NPLOC4: variants seen among roughly 807,000 people sequenced by gnomAD.
NPLOC4 encodes NPL4 homolog, ubiquitin recognition factor, also known as nuclear protein localization protein 4 homolog.
A neutral mutation model predicts 80.6 loss-of-function variants in NPLOC4; 18 were observed. That is an observed-to-expected ratio of 0.22 (90% CI 0.15 to 0.33). The LOEUF (loss-of-function observed/expected upper bound fraction) is 0.33, where lower values mean the gene tolerates loss of function less well. Ranked by LOEUF, NPLOC4 falls within the 10% of genes least tolerant of loss-of-function variation. NPLOC4 has a pLI of 1.00. For synonymous variants in NPLOC4, 313 were observed against 301.5 expected, an observed-to-expected ratio of 1.04 and a Z score of -0.39; for missense variants, 540 against 786.1, an observed-to-expected ratio of 0.69 and a Z score of 3.74.
chr17:81,565,632 C>A, intron 15 of NPLOC4, 25 bp from the exon 16 acceptor site: 1 of 1,517,992 alleles, frequency 6.6e-7, no homozygotes, highest in Non-Finnish European at 8.8e-7. Flanking sequence ...AAGGAAGGTT[C>A]CTCTTCGCTG....
intron 3 of NPLOC4, among the ~76,000 whole-genome samples, chr17:81,617,338 T>C (rs1427748048): frequency 6.6e-6 from 1 of 152,112 alleles, no homozygotes; most frequent in East Asian, 1.9e-4. Flanking sequence ...AGTGGCACAA[T>C]CACAGTTCAC....
intron 3 of NPLOC4, among the ~76,000 whole-genome samples, chr17:81,618,692 G>A (rs1279227685): frequency 4.0e-5 from 6 of 151,574 alleles, no homozygotes; most frequent in African/African-American, 4.9e-5. Context: ...CCACCACCCC[G>A]TCTGGGAGGT....
intron 1 of NPLOC4, among the ~76,000 whole-genome samples, chr17:81,635,740 T>A (rs1344556404): frequency 6.6e-6 from 1 of 152,074 alleles, no homozygotes; most frequent in East Asian, 1.9e-4. Context: ...CTGGCAAAAC[T>A]GCAGAGACTG....
chr17:81,568,533 T>C (rs1217924536), intron 14 of NPLOC4, among the ~76,000 whole-genome samples: 1 of 152,028 alleles, frequency 6.6e-6, no homozygotes, highest in African/African-American at 2.4e-5. Flanking sequence ...CTACACAGTA[T>C]GCAGGCGTGA....
Position 81,613,344 on chromosome 17 carries a change from C to T in NPLOC4, c.360G>A (p.Lys120=). 5 of 1,613,786 alleles carry T rather than the reference C, an allele frequency of 3.1e-6. No homozygotes were observed. Among genetic ancestry groups the T allele is most frequent in the Non-Finnish European group, 4.2e-6 (5 of 1,179,824 alleles). ...IDQYLSKQDG[K]IYRSRDPQLC... is the part of the protein sequence containing the mutation. ...GCTGTGGGTCTCGGCTTCTGTAAAT[C>T]TTCCCGTCCTGTTTGCTGAGGTACT... The change falls in exon 4 of 17, where the codon AAG becomes AAA. Residue 120 remains lysine, a synonymous_variant. Transcript: ENST00000331134.
intron 7 of NPLOC4, 38 bp from the exon 8 acceptor site, chr17:81,604,765 C>A: frequency 6.5e-7 from 1 of 1,532,320 alleles, no homozygotes; most frequent in South Asian, 1.2e-5. Context: ...GAAAACATGC[C>A]ATCAAAAAGA....
At chr17:81,611,023 T>C (rs1160041298) in intron 4 of NPLOC4, among the ~76,000 whole-genome samples, 1 of 148,450 alleles carries the variant, frequency 6.7e-6, no homozygotes, top group Non-Finnish European at 1.5e-5. Flanking sequence ...TCAAAGTCAA[T>C]GTAAGTAGTT....
rs1214833946 is a variant in NPLOC4, at chr17:81,557,257, C to CA, written c.*2001dup. ...GAACTCTCACAGCAGGGCTCACCCCCAAGCCTGTATGCTTAGCTCTGACTC... is the reference window on the plus strand; with the variant it reads ...GAACTCTCACAGCAGGGCTCACCCCCAAAGCCTGTATGCTTAGCTCTGACTC... On this transcript the variant is annotated 3_prime_UTR_variant, in exon 17 of 17. Transcript: ENST00000331134. 1 of 152,458 alleles carries CA rather than the reference C, an allele frequency of 6.6e-6. No homozygotes were observed. The highest frequency in any genetic ancestry group is 2.4e-5 in the African/African-American group (1 of 41,462). The allele number at this position is 152,458 out of a possible 1,614,324, so 9.4% of individuals were successfully genotyped here.
chr17:81,615,429 T>C (rs529338135), intron 3 of NPLOC4, among the ~76,000 whole-genome samples: 7 of 152,112 alleles, frequency 4.6e-5, no homozygotes, highest in African/African-American at 1.7e-4. Flanking sequence ...GCAGATTACA[T>C]ATTCCTAAAC....
chr17:81,623,464 C>CCAAA (rs71367071), intron 2 of NPLOC4, among the ~76,000 whole-genome samples: 1 of 82,600 alleles, frequency 1.2e-5, no homozygotes, highest in African/African-American at 4.8e-5. Flanking sequence ...GACTTTGTTT[C>CCAAA]AAAAAAAAAA....
rs2034179257 is a variant in NPLOC4, at chr17:81,572,188, ATTT to A, written c.1282-103_1282-101del. ...CACCTTTTATTTAATTAATTAATTT[ATTT>A]ATTTATTTATTTTTTGAGACAGAGT... On this transcript the variant is annotated intron_variant, in intron 12 of 16. Transcript: ENST00000331134. This position sits in a 1 kb window ranked among gnomAD's most constrained non-coding sequence, Gnocchi z 4.5. 5 of 527,590 alleles carry A rather than the reference ATTT, an allele frequency of 9.5e-6. No homozygotes were observed. Among genetic ancestry groups the A allele is most frequent in the African/African-American group, 4.0e-5 (2 of 49,648 alleles). 32.7% of individuals were successfully genotyped at this position (527,590 alleles called of 1,614,324 possible). A position where few individuals can be genotyped will look rare whatever the true frequency, so the allele number is the denominator to read the frequency against.
chr17:81,573,234 C>T (rs760060515), intron 12 of NPLOC4, among the ~76,000 whole-genome samples: 6 of 152,056 alleles, frequency 3.9e-5, no homozygotes, highest in Non-Finnish European at 7.4e-5. Context: ...ATTATAGGGC[C>T]TTACATAAAA....
chr17:81,604,346 C>G (rs572790809), intron 8 of NPLOC4, among the ~76,000 whole-genome samples: 5 of 152,130 alleles, frequency 3.3e-5, no homozygotes, highest in African/African-American at 1.2e-4. Context: ...AAGAAAATAT[C>G]CTTATCCTTA....
chr17:81,564,117 C>G, intron 16 of NPLOC4: 1 of 307,260 alleles, frequency 3.3e-6, no homozygotes. Flanking sequence ...CACACACACA[C>G]AAAGAGCAGG....
chr17:81,612,004 G>T (rs1311648721), intron 4 of NPLOC4, among the ~76,000 whole-genome samples: 2 of 149,876 alleles, frequency 1.3e-5, no homozygotes, highest in Non-Finnish European at 1.5e-5. Flanking sequence ...TAATAACAAA[G>T]CTGGTACGTG....
chr17:81,575,873 G>C (rs2034283991), intron 12 of NPLOC4, among the ~76,000 whole-genome samples: 1 of 152,230 alleles, frequency 6.6e-6, no homozygotes, highest in East Asian at 1.9e-4. Context: ...AATCTCTTCT[G>C]TCGATGGCAG....
At chr17:81,616,333 A>AAAAAAAAAAGAAAC (rs780878214) in intron 3 of NPLOC4, among the ~76,000 whole-genome samples, 6,370 of 115,196 alleles carry the variant, frequency 0.055, 695 homozygotes, top group Middle Eastern at 0.097. Context: ...AAAAAAAAAA[A>AAAAAAAAAAGAAAC]AAAAAGAAAA....
At chr17:81,563,873 T>G (rs140477288) in intron 16 of NPLOC4, 78 of 453,190 alleles carry the variant, frequency 1.7e-4, no homozygotes, top group African/African-American at 1.4e-3. Flanking sequence ...AACCAAATAC[T>G]ACATGTTTTC....
intron 2 of NPLOC4, among the ~76,000 whole-genome samples, chr17:81,624,961 C>T (rs2035761109): frequency 6.6e-6 from 1 of 152,156 alleles, no homozygotes; most frequent in African/African-American, 2.4e-5. Context: ...AGACGAAAGG[C>T]AGGGGGAATC....
Sources: allele counts gnomAD v4.1 joint callset (sites outside exome capture counted in the v4.1 genomes callset), GRCh38; gene constraint gnomAD v4.1.1; non-coding constraint Gnocchi (gnomAD v3.1); transcripts MANE v1.5; gene names NCBI Gene and HGNC (gene_info 2026-07-23, HGNC 2026-07-21).